The following PDE3B variants were observed in gnomAD, a reference collection of about 807,000 sequenced individuals.
PDE3B encodes cGMP-inhibited 3',5'-cyclic phosphodiesterase 3B.
PDE3B carries 66 observed loss-of-function variants against 116.8 expected under a neutral mutation model. The ratio of observed to expected loss-of-function variants is 0.56; its 90% CI spans 0.46 to 0.69. The LOEUF is 0.69. Ranked by LOEUF, PDE3B falls within the 30% of genes least tolerant of loss-of-function variation. The pLI, the probability that PDE3B is intolerant of heterozygous loss-of-function variation, is 0.00. For missense variants in PDE3B, 1,384 were observed against 1,368.1 expected, an observed-to-expected ratio of 1.01 and a Z score of -0.18; for synonymous variants, 595 against 533.6, an observed-to-expected ratio of 1.12 and a Z score of -1.59.
At chr11:14,780,671 T>C in intron 2 of PDE3B, among the ~76,000 whole-genome samples, 1 of 151,874 alleles carries the variant, frequency 6.6e-6, no homozygotes. Flanking sequence ...AAGTAGTGTG[T>C]AGAGGGAAAT....
At chr11:14,757,037 G>T (rs1009118737) in intron 1 of PDE3B, among the ~76,000 whole-genome samples, 38 of 147,320 alleles carry the variant, frequency 2.6e-4, no homozygotes, top group African/African-American at 9.4e-4. Flanking sequence ...CCACCTATGA[G>T]TGAGAATATG....
chr11:14,709,785 G>C (rs890015552), intron 1 of PDE3B, among the ~76,000 whole-genome samples: 2 of 152,164 alleles, frequency 1.3e-5, no homozygotes, highest in Non-Finnish European at 2.9e-5. Context: ...GAGGGTTCCT[G>C]TTAGACTATT....
chr11:14,756,716 A>T (rs1857189907), intron 1 of PDE3B, among the ~76,000 whole-genome samples: 1 of 152,206 alleles, frequency 6.6e-6, no homozygotes, highest in Non-Finnish European at 1.5e-5. Context: ...GTAATAGCAC[A>T]TGGTAACATA....
intron 2 of PDE3B, among the ~76,000 whole-genome samples, chr11:14,777,808 A>T (rs956698909): frequency 1.3e-5 from 2 of 152,138 alleles, no homozygotes; most frequent in African/African-American, 4.8e-5. Flanking sequence ...ACATGGATGC[A>T]GGACAGTAGG....
intron 7 of PDE3B, among the ~76,000 whole-genome samples, chr11:14,821,827 A>C (rs1272187475): frequency 6.6e-6 from 1 of 152,086 alleles, no homozygotes; most frequent in Non-Finnish European, 1.5e-5. Context: ...CAGGGGAGAA[A>C]GCTTGCCATT....
At chr11:14,696,133 A>C (rs1855199447) in intron 1 of PDE3B, among the ~76,000 whole-genome samples, 2 of 152,234 alleles carry the variant, frequency 1.3e-5, no homozygotes, top group South Asian at 4.1e-4. Flanking sequence ...CAACCATGTA[A>C]AAGTGTTCCT....
chr11:14,878,989 C>T, the PDE3B span: 1 of 780,944 alleles, frequency 1.3e-6, no homozygotes. Context: ...CTGTTAGAAT[C>T]AGTTCTGTGT....
rs138414203 is a variant in PDE3B, at chr11:14,844,652, C to T, written c.2520+626C>T. The stretch of plus-strand genomic sequence containing the variant: ...CCACCCCAGTACTACGCTTTTCCGA[C>T]GGGCTTAAAAAACGGCGCACCAGGA... On this transcript the variant is annotated intron_variant, in intron 12 of 15. Transcript: ENST00000282096. Among the ~76,000 whole-genome samples the T allele has an allele frequency of 2.5e-4, 38 of 152,320 alleles. 1 individual carries two copies. The highest frequency in any genetic ancestry group is 1.2e-3 in the Admixed American group (18 of 15,300).
Position 14,869,810 on chromosome 11 carries a change from G to A in PDE3B, c.*150G>A. On this transcript the variant is annotated 3_prime_UTR_variant, in exon 16 of 16. Transcript: ENST00000282096. Reference sequence around the variant, plus strand: ...AATACTGTGAGAGGATCCTTGCTCTGCTGGCAGTTTCCCACTCCTATGCAC... The same window carrying A: ...AATACTGTGAGAGGATCCTTGCTCTACTGGCAGTTTCCCACTCCTATGCAC... 1 of 618,346 alleles carries A rather than the reference G, an allele frequency of 1.6e-6. No homozygotes were observed. The highest frequency in any genetic ancestry group is 2.2e-5 in the South Asian group (1 of 44,478). The allele number at this position is 618,346 out of a possible 1,614,324, so 38.3% of individuals were successfully genotyped here.
intron 1 of PDE3B, among the ~76,000 whole-genome samples, chr11:14,667,603 C>G (rs1043926499): frequency 2.6e-5 from 4 of 150,998 alleles, no homozygotes; most frequent in African/African-American, 9.8e-5. Flanking sequence ...AAACCAAACA[C>G]TGCATGTTCT....
At chr11:14,773,583 C>G (rs1857703961) in intron 2 of PDE3B, 1 of 152,096 alleles carries the variant, frequency 6.6e-6, no homozygotes, top group African/African-American at 2.4e-5. Flanking sequence ...GAAGAATGCT[C>G]TGGTGAAGCT....
intron 1 of PDE3B, among the ~76,000 whole-genome samples, chr11:14,718,700 A>T (rs1423016236): frequency 6.6e-6 from 1 of 150,864 alleles, no homozygotes; most frequent in Non-Finnish European, 1.5e-5. Flanking sequence ...GAAGGCAGAA[A>T]TAAAGATGTT....
chr11:14,893,479 C>A, the PDE3B span, among the ~76,000 whole-genome samples: 3 of 152,128 alleles, frequency 2.0e-5, no homozygotes, highest in Admixed American at 6.5e-5. Context: ...TCTTACAATT[C>A]TTGAGGTGAG....
At chr11:14,847,665 G>A (rs193004424) in intron 12 of PDE3B, among the ~76,000 whole-genome samples, 35 of 152,266 alleles carry the variant, frequency 2.3e-4, no homozygotes, top group East Asian at 1.9e-3. Context: ...TATCACCACC[G>A]ATCCCACAGA....
At chr11:14,831,834 A>G in intron 9 of PDE3B, 57 bp downstream of exon 9, 1 of 1,294,586 alleles carries the variant, frequency 7.7e-7, no homozygotes, top group South Asian at 1.3e-5. Context: ...AAATCTTTAT[A>G]AAAAGCAAAA....
intron 5 of PDE3B, among the ~76,000 whole-genome samples, chr11:14,809,013 TATAGAAACGCAAGAG>T (rs1489365084): frequency 6.6e-6 from 1 of 152,180 alleles, no homozygotes; most frequent in Non-Finnish European, 1.5e-5. Flanking sequence ...CTAAAATTCG[TATAGAAACGCAAGAG>T]TCCCAGAATA....
At chr11:14,715,242 G>T (rs952464318) in intron 1 of PDE3B, among the ~76,000 whole-genome samples, 2 of 152,154 alleles carry the variant, frequency 1.3e-5, no homozygotes, top group Non-Finnish European at 2.9e-5. Flanking sequence ...TGGCGATGCG[G>T]GCTCCTTTTT....
chr11:14,715,136 G>A (rs1855838584), intron 1 of PDE3B, among the ~76,000 whole-genome samples: 1 of 152,118 alleles, frequency 6.6e-6, no homozygotes, highest in African/African-American at 2.4e-5. Flanking sequence ...AAGAAAAAGA[G>A]CCATGTAACA....
In PDE3B at chr11:14,816,943, AC is replaced by A. The variant is rs542528300; in HGVS notation, c.1523-1237del. On this transcript the variant is annotated intron_variant, in intron 5 of 15. Coordinates refer to ENST00000282096, the MANE Select transcript of PDE3B (RefSeq NM_000922.4). Reference sequence around the variant, plus strand: ...CCAGCCATCCCATTACTGGGTATATACCCAAAGGATTATAAGTCATGCTGCT... The same window carrying A: ...CCAGCCATCCCATTACTGGGTATATACCAAAGGATTATAAGTCATGCTGCT... 2.0e-3 allele frequency among the ~76,000 whole-genome samples: 306 copies of A among 152,286 alleles called. 1 individual carries two copies. The highest frequency in any genetic ancestry group is 3.3e-3 in the Non-Finnish European group (225 of 68,026).
Sources: allele counts gnomAD v4.1 joint callset (sites outside exome capture counted in the v4.1 genomes callset), GRCh38; gene constraint gnomAD v4.1.1; transcripts MANE v1.5; gene names NCBI Gene and HGNC (gene_info 2026-07-23, HGNC 2026-07-21).